Variants in GSG1L observed in about 807,000 individuals in gnomAD.
The protein encoded by GSG1L is germ cell-specific gene 1-like protein.
Under a neutral mutation model 42.1 loss-of-function variants are expected in GSG1L, and 24 were observed. The ratio of observed to expected loss-of-function variants is 0.57; its 90% CI spans 0.41 to 0.80. The LOEUF is 0.80. Among genes scored for constraint, GSG1L ranks in the 30% least tolerant of loss-of-function variants. The pLI is 0.00. For missense variants in GSG1L, 445 were observed against 472.2 expected, an observed-to-expected ratio of 0.94 and a Z score of 0.53; for synonymous variants, 215 against 203.5, an observed-to-expected ratio of 1.06 and a Z score of -0.48.
At chr16:27,827,493 T>C (rs1346388716) in intron 5 of GSG1L, among the ~76,000 whole-genome samples, 1 of 151,868 alleles carries the variant, frequency 6.6e-6, no homozygotes, top group African/African-American at 2.4e-5. Context: ...GGGTGTAGGT[T>C]GGCACTAGGT....
intron 3 of GSG1L, among the ~76,000 whole-genome samples, chr16:27,854,733 C>T (rs2083555217): frequency 1.3e-5 from 2 of 152,168 alleles, no homozygotes; most frequent in Non-Finnish European, 2.9e-5. Context: ...CCCCACATGC[C>T]TCTTCACCTG....
chr16:27,977,335 C>T (rs1484594515), intron 1 of GSG1L, among the ~76,000 whole-genome samples: 1 of 152,156 alleles, frequency 6.6e-6, no homozygotes, highest in African/African-American at 2.4e-5. Context: ...AATCCCAGCA[C>T]TTTGGGAGGC....
chr16:27,823,581 C>T (rs2083172827), intron 5 of GSG1L, among the ~76,000 whole-genome samples: 1 of 152,100 alleles, frequency 6.6e-6, no homozygotes, highest in South Asian at 2.1e-4. Flanking sequence ...GAAATGGGCT[C>T]CAGAAAGCCC....
rs573218886 is a variant in GSG1L at position 27,899,077 on chromosome 16, G to T, written c.398-14439C>A. 7.2e-5 allele frequency among the ~76,000 whole-genome samples: 11 copies of T among 152,334 alleles called. No individual in the cohort carries two copies. The East Asian group carries it at 1.2e-3, about 16-fold the overall frequency. On this transcript the variant is annotated intron_variant, in intron 2 of 6. Coordinates refer to ENST00000447459, the MANE Select transcript of GSG1L (RefSeq NM_001109763.2). ...GGGAGGACACAGATGGGCAAGGCTC[G>T]GGGAGGAGGCTGGCATGGGAGGCCA...
At chr16:27,805,048 G>A (rs192323603) in intron 6 of GSG1L, among the ~76,000 whole-genome samples, 3 of 3,578 alleles carry the variant, frequency 8.4e-4, no homozygotes, top group Non-Finnish European at 2.1e-3. Flanking sequence ...GGTTGGGGGC[G>A]TGGGAGAGGG....
rs2082812858 is a variant in GSG1L, at chr16:27,795,907, C to T, written c.899-4440G>A. Among the ~76,000 whole-genome samples the T allele has an allele frequency of 2.6e-5, 4 of 152,260 alleles. No individual in the cohort carries two copies. In the South Asian group the frequency reaches 6.2e-4, roughly 24 times the overall value. ...AAGCCACCAAGATCCGGGAATCAGA[C>T]ATAATTGCTGAATTGAATTAAATCA... On this transcript the variant is annotated intron_variant, in intron 6 of 6. Coordinates refer to ENST00000447459, the MANE Select transcript of GSG1L (RefSeq NM_001109763.2).
Position 27,884,424 on chromosome 16 carries a change from T to A in GSG1L, c.550+62A>T. On this transcript the variant is annotated intron_variant, in intron 3 of 6. Coordinates refer to ENST00000447459, the MANE Select transcript of GSG1L (RefSeq NM_001109763.2). The surrounding 1 kb of genome is among the most constrained non-coding windows in gnomAD (Gnocchi z 4.4). ...CCCGGTTGGTACAACCAGGGCTTAC[T>A]CCAAGGGCAGCACCCTTTCTCGCCT... 6.6e-7 allele frequency: 1 copy of A among 1,511,418 alleles called. No homozygotes were observed. Among genetic ancestry groups the A allele is most frequent in the South Asian group, 1.3e-5 (1 of 79,990 alleles). The allele number at this position is 1,511,418 out of a possible 1,614,324, so 93.6% of individuals were successfully genotyped here.
At chr16:27,931,152 T>C (rs540484002) in intron 2 of GSG1L, among the ~76,000 whole-genome samples, 26 of 152,328 alleles carry the variant, frequency 1.7e-4, no homozygotes, top group African/African-American at 6.3e-4. Flanking sequence ...TCATTTGACA[T>C]CTGCTTCTTC....
chr16:27,886,992 G>T (rs767426515), intron 2 of GSG1L, among the ~76,000 whole-genome samples: 26 of 150,782 alleles, frequency 1.7e-4, no homozygotes, highest in Admixed American at 8.6e-4. Flanking sequence ...GTCTCACTCT[G>T]TCACCCAGGC....
intron 2 of GSG1L, among the ~76,000 whole-genome samples, chr16:27,940,864 T>C (rs1243456634): frequency 7.4e-6 from 1 of 134,580 alleles, no homozygotes; most frequent in African/African-American, 3.0e-5. Flanking sequence ...AATAATAAAA[T>C]AAAATAAAAT....
At chr16:27,958,848 T>C (rs2085035535) in intron 2 of GSG1L, among the ~76,000 whole-genome samples, 1 of 152,014 alleles carries the variant, frequency 6.6e-6, no homozygotes, top group Non-Finnish European at 1.5e-5. Context: ...TTAATTTTTG[T>C]ATATTTAGTA....
At chr16:27,849,445 C>A (rs1245874820) in intron 3 of GSG1L, among the ~76,000 whole-genome samples, 1 of 152,126 alleles carries the variant, frequency 6.6e-6, no homozygotes, top group Admixed American at 6.5e-5. Flanking sequence ...AGGAGGTAAG[C>A]CCGGCTGACA....
chr16:27,833,521 A>G (rs899168052), intron 4 of GSG1L, among the ~76,000 whole-genome samples: 1 of 152,068 alleles, frequency 6.6e-6, no homozygotes, highest in Non-Finnish European at 1.5e-5. Context: ...TTTTCTCTAT[A>G]TTTATAAGAA....
intron 2 of GSG1L, among the ~76,000 whole-genome samples, chr16:27,958,661 T>C (rs1386360713): frequency 2.0e-5 from 3 of 152,058 alleles, no homozygotes; most frequent in Non-Finnish European, 4.4e-5. Context: ...ATTTACGCAC[T>C]TGGGGCTATC....
chr16:27,938,385 TA>T (rs71140925), intron 2 of GSG1L, among the ~76,000 whole-genome samples: 28,052 of 141,074 alleles, frequency 0.2, 3,101 homozygotes, highest in Non-Finnish European at 0.26. Context: ...GAGACTCCAT[TA>T]AAAAAAAAAA....
At chr16:27,867,518 C>T (rs2083744127) in intron 3 of GSG1L, among the ~76,000 whole-genome samples, 1 of 152,218 alleles carries the variant, frequency 6.6e-6, no homozygotes, top group African/African-American at 2.4e-5. Flanking sequence ...TCCTCAGAGC[C>T]TGGCTACTTC....
chr16:27,951,879 G>A (rs2084954071), intron 2 of GSG1L, among the ~76,000 whole-genome samples: 1 of 152,226 alleles, frequency 6.6e-6, no homozygotes, highest in Admixed American at 6.5e-5. Flanking sequence ...TATAGGAACT[G>A]AAGTGAGAAA....
Position 27,828,828 on chromosome 16 carries a change from G to A in GSG1L, c.791C>T (p.Thr264Ile). Residue 264 changes from threonine (T) to isoleucine (I), a missense_variant, in exon 5 of 7, where the codon ACC (threonine) becomes ATC (isoleucine). Physicochemically the swap from Thr to Ile is moderately conservative, Grantham distance 89 (BLOSUM62 -1). This residue lies in a region of GSG1L where 140 missense variants were observed against 120.6 expected (regional missense o/e 1.16). Coordinates refer to ENST00000447459, the MANE Select transcript of GSG1L (RefSeq NM_001109763.2). ...CTTGATGGCCTCAGGGTCTATGAAG[G>A]TCGGCTCTTCCCGGTAGCCCTGCTC... ...VFEQGYREEP[T>I]FIDPEAIKYF... 1 of 1,614,166 alleles carries A rather than the reference G, an allele frequency of 6.2e-7. No homozygotes were observed. Among genetic ancestry groups the A allele is most frequent in the Non-Finnish European group, 8.5e-7 (1 of 1,180,026 alleles).
At chr16:28,030,825 AGATGGGGTGGAATG>A in intron 1 of GSG1L, among the ~76,000 whole-genome samples, 1 of 84,716 alleles carries the variant, frequency 1.2e-5, no homozygotes, top group East Asian at 3.7e-4. Flanking sequence ...GGATGGGTTG[AGATGGGGTGGAATG>A]GGATGGGATT....
Sources: gnomAD v4.1 joint callset for allele counts (sites outside exome capture counted in the v4.1 genomes callset) on GRCh38, gnomAD v4.1.1 for gene constraint, gnomAD v4.1.1 regional missense constraint, Gnocchi (gnomAD v3.1) non-coding constraint, MANE v1.5 for transcripts, NCBI Gene and HGNC (gene_info 2026-07-23, HGNC 2026-07-21) for gene names.